DCAKD: variants seen among roughly 807,000 people sequenced by gnomAD.
DCAKD encodes dephospho-CoA kinase domain containing.
DCAKD carries 15 observed loss-of-function variants against 18.7 expected under a neutral mutation model. The observed-to-expected ratio is 0.80, with a 90% CI of 0.54 to 1.24. The LOEUF is 1.24. DCAKD is among the 50% of genes most tolerant of loss of function. The pLI, the probability that DCAKD is intolerant of heterozygous loss-of-function variation, is 0.00. For synonymous variants in DCAKD, 130 were observed against 133.0 expected (o/e 0.98, Z 0.16); for missense variants, 301 against 322.0 (o/e 0.93, Z 0.50).
intron 1 of DCAKD, among the ~76,000 whole-genome samples, chr17:45,039,655 C>T (rs989382914): frequency 2.0e-5 from 3 of 152,298 alleles, no homozygotes; most frequent in African/African-American, 7.2e-5. Flanking sequence ...AACAGCTGAG[C>T]CCCGGGTGCC....
At chr17:45,051,145 C>A (rs1037450204) in intron 1 of DCAKD, among the ~76,000 whole-genome samples, 7 of 152,218 alleles carry the variant, frequency 4.6e-5, no homozygotes, top group Non-Finnish European at 7.3e-5. Flanking sequence ...CAAGGTCACA[C>A]AACTGAAGTG....
chr17:45,034,431 C>G (rs746243972), intron 2 of DCAKD, 41 bp from the exon 3 acceptor site: 1 of 1,607,188 alleles, frequency 6.2e-7, no homozygotes. Flanking sequence ...CCTGAAGCCT[C>G]AGGGCCAGTC....
chr17:45,034,090 T>C, intron 3 of DCAKD, 97 bp downstream of exon 3: 1 of 1,602,530 alleles, frequency 6.2e-7, no homozygotes, highest in East Asian at 2.2e-5. Flanking sequence ...TCAGCTGGGA[T>C]AACCAGCTCC....
At chr17:45,051,109 G>T (rs2053684727) in intron 1 of DCAKD, among the ~76,000 whole-genome samples, 1 of 152,188 alleles carries the variant, frequency 6.6e-6, no homozygotes, top group African/African-American at 2.4e-5. Flanking sequence ...TTTCAGATGA[G>T]CAAACTTGGG....
At chr17:45,026,860 G>C in intron 4 of DCAKD, 1 of 982,290 alleles carries the variant, frequency 1.0e-6, no homozygotes, top group Non-Finnish European at 1.2e-6. Context: ...GATGGCCTGG[G>C]GCTCCCAGTA....
chr17:45,032,312 AGAG>A (rs1005614121), intron 3 of DCAKD, among the ~76,000 whole-genome samples: 35 of 152,130 alleles, frequency 2.3e-4, no homozygotes, highest in African/African-American at 8.4e-4. Context: ...CTGGTTCAGC[AGAG>A]AAGATGCGGG....
intron 3 of DCAKD, chr17:45,030,924 A>T: frequency 1.0e-6 from 1 of 967,882 alleles, no homozygotes; most frequent in African/African-American, 1.8e-5. Context: ...AGGCCAGTCA[A>T]GGGCAGCACC....
chr17:45,048,950 C>T (rs540022494), intron 1 of DCAKD, among the ~76,000 whole-genome samples: 9 of 151,946 alleles, frequency 5.9e-5, no homozygotes, highest in East Asian at 1.9e-4. Context: ...AGCATGGTGG[C>T]GAAAGCCTGC....
At position 45,026,836 on chromosome 17, in the gene DCAKD, AGTGT is replaced by A. The variant is rs1335443668; in HGVS notation, c.405-2116_405-2113del. The A allele has an allele frequency of 3.0e-6, 3 of 985,230 alleles. No homozygotes were observed. The African/African-American group carries it at 5.2e-5, about 17-fold the overall frequency. The allele number at this position is 985,230 out of a possible 1,614,324, so 61.0% of individuals were successfully genotyped here. On this transcript the variant is annotated intron_variant, in intron 4 of 4. Coordinates refer to ENST00000651974, the MANE Select transcript of DCAKD (RefSeq NM_001288655.2). ...CACATATCTGTGGGTGGGAGAATCTAGTGTGAGATTAGAGATGGCCTGGGGCTCC... is the reference window on the plus strand; with the variant it reads ...CACATATCTGTGGGTGGGAGAATCTAGAGATTAGAGATGGCCTGGGGCTCC...
intron 3 of DCAKD, 97 bp downstream of exon 3, chr17:45,034,090 T>A (rs750932586): frequency 6.2e-7 from 1 of 1,602,530 alleles, no homozygotes; most frequent in South Asian, 1.1e-5. Context: ...TCAGCTGGGA[T>A]AACCAGCTCC....
chr17:45,024,552 G>C lies in DCAKD; in HGVS notation c.577C>G (p.His193Asp). The C allele has an allele frequency of 6.2e-7, 1 of 1,614,184 alleles. No homozygotes were observed. The highest frequency in any genetic ancestry group is 8.5e-7 in the Non-Finnish European group (1 of 1,180,008). ...SVTKRQVILL[H>D]TELERSLEYL... ...TCCAGGGAGCGCTCCAGCTCAGTGT[G>C]CAAGAGGATGACCTGGCGTTTGGTG... Residue 193 changes from histidine to aspartate, a missense_variant, in exon 5 of 5, where the codon CAC becomes GAC. His to Asp is a moderately conservative substitution (Grantham distance 81). Transcript: ENST00000651974.
At chr17:45,041,700 TACTG>T (rs2053440800) in intron 1 of DCAKD, among the ~76,000 whole-genome samples, 1 of 151,978 alleles carries the variant, frequency 6.6e-6, no homozygotes, top group South Asian at 2.1e-4. Context: ...AGTCACCCTG[TACTG>T]ACTGTGTCAA....
intron 1 of DCAKD, among the ~76,000 whole-genome samples, chr17:45,060,167 G>A (rs2053833524): frequency 6.6e-6 from 1 of 152,152 alleles, no homozygotes; most frequent in Non-Finnish European, 1.5e-5. Context: ...TAGACTTGTT[G>A]AGAGGATTAA....
intron 1 of DCAKD, among the ~76,000 whole-genome samples, chr17:45,059,850 A>G (rs929458697): frequency 2.0e-5 from 3 of 152,146 alleles, no homozygotes; most frequent in African/African-American, 7.2e-5. Flanking sequence ...TCACACCTCT[A>G]ATCCCAGCAC....
At chr17:45,048,754 C>G (rs1371854400) in intron 1 of DCAKD, among the ~76,000 whole-genome samples, 1 of 151,606 alleles carries the variant, frequency 6.6e-6, no homozygotes, top group African/African-American at 2.4e-5. Flanking sequence ...TGCAGTGAGC[C>G]AAGACTGCGC....
intron 1 of DCAKD, among the ~76,000 whole-genome samples, chr17:45,050,144 G>A (rs2053660494): frequency 6.6e-6 from 1 of 151,960 alleles, no homozygotes; most frequent in Non-Finnish European, 1.5e-5. Context: ...GGGTTCAAGC[G>A]ATTTTTCTGC....
intron 4 of DCAKD, among the ~76,000 whole-genome samples, chr17:45,028,254 G>A (rs1350667091): frequency 1.5e-4 from 22 of 145,362 alleles, no homozygotes; most frequent in African/African-American, 4.8e-4. Flanking sequence ...GACTACAGGC[G>A]CCCACCATGA....
chr17:45,047,504 CTT>C (rs916286343), intron 1 of DCAKD, among the ~76,000 whole-genome samples: 16 of 124,494 alleles, frequency 1.3e-4, no homozygotes, highest in Admixed American at 4.3e-4. Context: ...TGGCTAGTCT[CTT>C]TTTTTTTTTT....
chr17:45,045,143 A>C (rs867243350), intron 1 of DCAKD, among the ~76,000 whole-genome samples: 1 of 152,004 alleles, frequency 6.6e-6, no homozygotes, highest in South Asian at 2.1e-4. Context: ...GGTGCCTGGG[A>C]ATGTTCAAGG....
Sources: allele counts gnomAD v4.1 joint callset (sites outside exome capture counted in the v4.1 genomes callset), GRCh38; gene constraint gnomAD v4.1.1; transcripts MANE v1.5; gene names NCBI Gene and HGNC (gene_info 2026-07-23, HGNC 2026-07-21).